Variants in ANKRD49 observed in about 807,000 individuals in gnomAD.
ANKRD49 encodes ankyrin repeat domain 49.
In ANKRD49, 18 loss-of-function variants were observed where a neutral mutation model predicts 19.6. The ratio of observed to expected loss-of-function variants is 0.92; its 90% confidence interval spans 0.63 to 1.36. The LOEUF (loss-of-function observed/expected upper bound fraction) is 1.36. Ranked by LOEUF, ANKRD49 falls within the 40% of genes most tolerant of loss-of-function variation. The probability of loss-of-function intolerance (pLI) is 0.00; values close to 1 mark genes in which losing one functional copy is unlikely to be tolerated. For synonymous variants in ANKRD49, 88 were observed against 101.8 expected, an observed-to-expected ratio of 0.86 and a Z score of 0.82; for missense variants, 218 against 281.6, an observed-to-expected ratio of 0.77 and a Z score of 1.62.
chr11:94,498,157 A>G lies in ANKRD49; in HGVS notation c.345A>G (p.Ala115=). The change falls in exon 3 of 3, where the codon GCA becomes GCG. Residue 115 remains alanine, a synonymous_variant. Coordinates refer to ENST00000544612, the MANE Select transcript of ANKRD49 (RefSeq NM_017704.3). ...DEDEYTPLHR[A]AYSGHLDIVQ... The stretch of plus-strand genomic sequence containing the variant: ...ATGAGTATACCCCTCTTCATCGAGC[A>G]GCCTACAGTGGACACTTAGATATTG... 2 of 1,614,198 alleles carry G rather than the reference A, an allele frequency of 1.2e-6. No homozygotes were observed. Among genetic ancestry groups the G allele is most frequent in the Non-Finnish European group, 1.7e-6 (2 of 1,180,038 alleles).
In ANKRD49 at chr11:94,498,374, A is replaced by G; in HGVS notation, c.562A>G (p.Lys188Glu). ...LHLAAGNRDS[K>E]DTLELLLMNR... Reference sequence around the variant, plus strand: ...TCTTGCTGCTGGGAACAGAGACAGCAAGGATACCCTAGAACTCCTCCTGAT... The same window carrying G: ...TCTTGCTGCTGGGAACAGAGACAGCGAGGATACCCTAGAACTCCTCCTGAT... Residue 188 changes from lysine to glutamate, a missense_variant, in exon 3 of 3, where the codon AAG (lysine) becomes GAG (glutamate). Physicochemically the swap from Lys to Glu is moderately conservative, Grantham distance 56. Coordinates refer to ENST00000544612, the MANE Select transcript of ANKRD49 (RefSeq NM_017704.3). 6.2e-7 allele frequency: 1 copy of G among 1,613,304 alleles called. No individual in the cohort carries two copies. The highest frequency in any genetic ancestry group is 2.2e-5 in the East Asian group (1 of 44,882).
chr11:94,497,987 T>G (rs1308065958), intron 2 of ANKRD49, 84 bp from the exon 3 acceptor site: 1 of 1,058,732 alleles, frequency 9.4e-7, no homozygotes, highest in Non-Finnish European at 1.3e-6. Flanking sequence ...TCAACTTAAT[T>G]AAATCTAACA....
Position 94,497,313 on chromosome 11 carries a change from T to C in ANKRD49, c.258+362T>C, listed in dbSNP as rs1286804626. 3 of 397,540 alleles carry C rather than the reference T, an allele frequency of 7.5e-6. No individual in the cohort carries two copies. In the East Asian group the frequency reaches 1.1e-4, roughly 15 times the overall value. The allele number at this position is 397,540 out of a possible 1,614,324, so 24.6% of individuals were successfully genotyped here. On this transcript the variant is annotated intron_variant, in intron 2 of 2. Transcript: ENST00000544612. The stretch of plus-strand genomic sequence containing the variant: ...TCATCATGTATCCCTATAAGTAATA[T>C]TCTTCTCTTTTATAGAGTAAGAAAT...
At position 94,498,225 on chromosome 11, in the gene ANKRD49, C is replaced by T; in HGVS notation, c.413C>T (p.Thr138Ile). 2 of 1,614,148 alleles carry T rather than the reference C, an allele frequency of 1.2e-6. No homozygotes were observed. Among genetic ancestry groups the T allele is most frequent in the Non-Finnish European group, 1.7e-6 (2 of 1,180,022 alleles). Reference sequence around the variant, plus strand: ...CAGGGGGCCGATGTTCATGCAGTGACTGTGGATGGCTGGACGCCCCTGCAC... The same window carrying T: ...CAGGGGGCCGATGTTCATGCAGTGATTGTGGATGGCTGGACGCCCCTGCAC... ...IAQGADVHAV[T>I]VDGWTPLHSA... The change falls in exon 3 of 3, where the codon ACT (threonine) becomes ATT (isoleucine). Residue 138 changes from threonine to isoleucine, a missense_variant. Coordinates refer to ENST00000544612, the MANE Select transcript of ANKRD49 (RefSeq NM_017704.3).
chr11:94,496,922 T>C lies in ANKRD49; in HGVS notation c.229T>C (p.Leu77=). Residue 77 remains leucine (L), a synonymous_variant, in exon 2 of 3, where the codon TTG becomes CTG. Transcript: ENST00000544612. Reference sequence around the variant, plus strand: ...AAAAATGGAAAAAGACCCAAGCAGATTGCTTCTTTGGGCTGCTGAAAAAAA... The same window carrying C: ...AAAAATGGAAAAAGACCCAAGCAGACTGCTTCTTTGGGCTGCTGAAAAAAA... ...EKKMEKDPSR[L]LLWAAEKNRL... is the part of the protein sequence containing the mutation. The C allele has an allele frequency of 2.5e-6, 4 of 1,613,560 alleles. No individual in the cohort carries two copies. Among genetic ancestry groups the C allele is most frequent in the Non-Finnish European group, 3.4e-6 (4 of 1,179,934 alleles).
chr11:94,499,075 C>G lies in ANKRD49; in HGVS notation c.*543C>G, dbSNP rs937117130. The stretch of plus-strand genomic sequence containing the variant: ...GTAAAAAACAGCAAAAAACCTAGAT[C>G]TTTGTCTTTTAGAACACAGACCATT... On this transcript the variant is annotated 3_prime_UTR_variant, in exon 3 of 3. Coordinates refer to ENST00000544612, the MANE Select transcript of ANKRD49 (RefSeq NM_017704.3). The G allele has an allele frequency of 2.6e-5, 4 of 154,828 alleles. No individual in the cohort carries two copies. The highest frequency in any genetic ancestry group is 9.7e-5 in the African/African-American group (4 of 41,428). 9.6% of individuals were successfully genotyped at this position (154,828 alleles called of 1,614,324 possible).
At position 94,498,466 on chromosome 11, in the gene ANKRD49, G is replaced by A. The variant is rs1472145388; in HGVS notation, c.654G>A (p.Arg218=). The change falls in exon 3 of 3, where the codon AGG becomes AGA. Residue 218 remains arginine (R), a synonymous_variant. Transcript: ENST00000544612. ...LEETAFDIAR[R]TSIYHYLFEI... ...AAACTGCATTTGATATTGCCAGGAG[G>A]ACAAGTATCTATCACTACCTCTTTG... 11 of 1,613,790 alleles carry A rather than the reference G, an allele frequency of 6.8e-6. No individual in the cohort carries two copies. The highest frequency in any genetic ancestry group is 1.3e-5 in the African/African-American group (1 of 74,924).
Position 94,496,803 on chromosome 11 carries a change from T to A in ANKRD49, c.110T>A (p.Ile37Asn), listed in dbSNP as rs1947423598. The change falls in exon 2 of 3, where the codon ATT (isoleucine) becomes AAT (asparagine). Residue 37 changes from isoleucine to asparagine, a missense_variant. Ile to Asn is a moderately radical substitution (Grantham distance 149, BLOSUM62 -3). Transcript: ENST00000544612. ...TTGTTGGAAACACATGGACACCTTA[T>A]TCCTACTGGTACTCAAAGTCTTTGG... ...LELLETHGHLIPTGTQSLWVG... is the reference protein window; with the variant it reads ...LELLETHGHLNPTGTQSLWVG... 3.7e-6 allele frequency: 6 copies of A among 1,614,074 alleles called. No homozygotes were observed. The highest frequency in any genetic ancestry group is 5.1e-6 in the Non-Finnish European group (6 of 1,179,974).
rs1415703692 is a variant in ANKRD49, at chr11:94,496,862, G to A, written c.169G>A (p.Asp57Asn). The A allele has an allele frequency of 1.9e-6, 3 of 1,613,400 alleles. No individual in the cohort carries two copies. Among genetic ancestry groups the A allele is most frequent in the Non-Finnish European group, 2.5e-6 (3 of 1,179,856 alleles). ...TTCTGATGAAGATGAGGAGCAAGAT[G>A]ACAAAAATGAAGAGTGGTATCGATT... ...GNSDEDEEQDDKNEEWYRLQE... is the reference protein window; with the variant it reads ...GNSDEDEEQDNKNEEWYRLQE... The change falls in exon 2 of 3, where the codon GAC (aspartate) becomes AAC (asparagine). Residue 57 changes from aspartate (D) to asparagine (N), a missense_variant. Asp to Asn is a conservative substitution (Grantham distance 23). Coordinates refer to ENST00000544612, the MANE Select transcript of ANKRD49 (RefSeq NM_017704.3).
chr11:94,497,025 A>G (rs1327039683), intron 2 of ANKRD49, 74 bp downstream of exon 2: 1 of 1,583,998 alleles, frequency 6.3e-7, no homozygotes, highest in Admixed American at 1.7e-5. Context: ...ACCTGCCTTT[A>G]CTGTTATGGC....
chr11:94,494,227 C>T (rs2135155914), intron 1 of ANKRD49, 192 bp downstream of exon 1: 1 of 152,348 alleles, frequency 6.6e-6, no homozygotes, highest in South Asian at 2.1e-4. Context: ...AGGCGGAGCT[C>T]ACGGGCCTGT....
chr11:94,498,568 G>A lies in ANKRD49; in HGVS notation c.*36G>A, dbSNP rs1947451026. 6.5e-7 allele frequency: 1 copy of A among 1,528,242 alleles called. No homozygotes were observed. The allele number at this position is 1,528,242 out of a possible 1,614,324, so 94.7% of individuals were successfully genotyped here. ...AATTTTCCTAAGTTTCTAAATACCA[G>A]TGCCTCCTGTGTGTGAGATGTATTC... is the stretch of plus-strand genomic sequence containing the variant. On this transcript the variant is annotated 3_prime_UTR_variant, in exon 3 of 3. Transcript: ENST00000544612.
chr11:94,497,026 C>T (rs757983365), intron 2 of ANKRD49, 75 bp downstream of exon 2: 1 of 1,576,922 alleles, frequency 6.3e-7, no homozygotes, highest in East Asian at 2.2e-5. Flanking sequence ...CCTGCCTTTA[C>T]TGTTATGGCC....
chr11:94,498,052 T>A lies in ANKRD49; in HGVS notation c.259-19T>A. ...TTTGGTTTGAGTTGAGTTGAAAGAT[T>A]TCTTTTTTTTCTTCTCAGCTTACCA... On this transcript the variant is annotated intron_variant, in intron 2 of 2. Transcript: ENST00000544612. 1 of 1,535,812 alleles carries A rather than the reference T, an allele frequency of 6.5e-7. No individual in the cohort carries two copies. Among genetic ancestry groups the A allele is most frequent in the Non-Finnish European group, 8.8e-7 (1 of 1,142,434 alleles).
At chr11:94,497,395 G>T in intron 2 of ANKRD49, 1 of 222,018 alleles carries the variant, frequency 4.5e-6, no homozygotes, top group Non-Finnish European at 8.7e-6. Context: ...AACATCAAAA[G>T]CCTATTCCCT....
chr11:94,497,696 C>T (rs534013405), intron 2 of ANKRD49: 26 of 183,224 alleles, frequency 1.4e-4, no homozygotes, highest in Non-Finnish European at 2.6e-4. Flanking sequence ...GTGTGATAAT[C>T]CTACAGAAAA....
Position 94,498,605 on chromosome 11 carries a change from G to T in ANKRD49, c.*73G>T. The T allele has an allele frequency of 7.6e-7, 1 of 1,308,562 alleles. No homozygotes were observed. Among genetic ancestry groups the T allele is most frequent in the Non-Finnish European group, 1.1e-6 (1 of 944,528 alleles). 81.1% of individuals were successfully genotyped at this position (1,308,562 alleles called of 1,614,324 possible). On this transcript the variant is annotated 3_prime_UTR_variant, in exon 3 of 3. Transcript: ENST00000544612. ...TGTGAGATGTATTCCCATAATCAAA[G>T]TTGACGTCAAACATCTTACTACAAA...
At position 94,496,716 on chromosome 11, in the gene ANKRD49, A is replaced by G; in HGVS notation, c.23A>G (p.Asp8Gly). The G allele has an allele frequency of 1.3e-6, 2 of 1,586,394 alleles. No individual in the cohort carries two copies. Among genetic ancestry groups the G allele is most frequent in the Non-Finnish European group, 1.7e-6 (2 of 1,169,338 alleles). MEKEKGN[D>G]DGIPDQENSL... Reference sequence around the variant, plus strand: ...AAAATGGAAAAAGAAAAAGGAAATGATGATGGAATACCAGACCAAGAGAAT... The same window carrying G: ...AAAATGGAAAAAGAAAAAGGAAATGGTGATGGAATACCAGACCAAGAGAAT... The change falls in exon 2 of 3, where the codon GAT (aspartate) becomes GGT (glycine). Residue 8 changes from aspartate (D) to glycine (G), a missense_variant. Coordinates refer to ENST00000544612, the MANE Select transcript of ANKRD49 (RefSeq NM_017704.3).
At position 94,499,191 on chromosome 11, in the gene ANKRD49, C is replaced by T. The variant is rs1040548882; in HGVS notation, c.*659C>T. On this transcript the variant is annotated 3_prime_UTR_variant, in exon 3 of 3. Transcript: ENST00000544612. ...TTACACAATCCTGTGGATAGTCCTA[C>T]CTCACCCTGGTCAACCTACATGATC... 2.0e-5 allele frequency: 3 copies of T among 153,236 alleles called. No homozygotes were observed. Among genetic ancestry groups the T allele is most frequent in the Admixed American group, 6.5e-5 (1 of 15,312 alleles). 9.5% of individuals were successfully genotyped at this position (153,236 alleles called of 1,614,324 possible). A position where few individuals can be genotyped will look rare whatever the true frequency, so the allele number is the denominator to read the frequency against.
Sources: gnomAD v4.1 joint callset for allele counts on GRCh38, gnomAD v4.1.1 for gene constraint, MANE v1.5 for transcripts, NCBI Gene and HGNC (gene_info 2026-07-23, HGNC 2026-07-21) for gene names.